PTPRD: variants seen among roughly 807,000 people sequenced by gnomAD.
The protein encoded by PTPRD is receptor-type tyrosine-protein phosphatase delta.
A neutral mutation model predicts 214.5 loss-of-function variants in PTPRD; 34 were observed. The observed-to-expected ratio is 0.16, with a 90% CI of 0.12 to 0.21. The LOEUF is 0.21. Among genes scored for constraint, PTPRD ranks in the 10% least tolerant of loss-of-function variants. The probability of loss-of-function intolerance (pLI) is 1.00; values close to 1 mark genes in which losing one functional copy is unlikely to be tolerated. For missense variants in PTPRD, 2,545 were observed against 2,398.7 expected (o/e 1.06, Z -1.27); for synonymous variants, 1,128 against 845.7 (o/e 1.33, Z -5.79).
intron 12 of PTPRD, among the ~76,000 whole-genome samples, chr9:8,678,924 A>G (rs576962216): frequency 7.2e-5 from 11 of 152,234 alleles, no homozygotes; most frequent in Non-Finnish European, 1.6e-4. Flanking sequence ...AAAGAATAAA[A>G]TGTTTCATGC....
intron 12 of PTPRD, among the ~76,000 whole-genome samples, chr9:8,710,266 A>C (rs1431297793): frequency 6.6e-6 from 1 of 152,210 alleles, no homozygotes; most frequent in East Asian, 1.9e-4. Context: ...CTCAGGGTCA[A>C]GTACATTCAG....
Position 8,733,906 on chromosome 9 carries a change from G to C in PTPRD, c.-63C>G, listed in dbSNP as rs2098688730. 1.3e-6 allele frequency: 2 copies of C among 1,493,742 alleles called. No homozygotes were observed. The highest frequency in any genetic ancestry group is 2.5e-5 in the East Asian group (1 of 40,588). The allele number at this position is 1,493,742 out of a possible 1,614,324, so 92.5% of individuals were successfully genotyped here. A position where few individuals can be genotyped will look rare whatever the true frequency, so the allele number is the denominator to read the frequency against. On this transcript the variant is annotated 5_prime_UTR_variant, in exon 12 of 46. Transcript: ENST00000381196. The stretch of plus-strand genomic sequence containing the variant: ...ATCACTGCCTCCGGAGCCGCAGCGA[G>C]TCTGTCCGATCTGAAATTTCAGCTG...
chr9:9,325,878 G>C (rs977398611), intron 9 of PTPRD, among the ~76,000 whole-genome samples: 1 of 152,090 alleles, frequency 6.6e-6, no homozygotes, highest in Non-Finnish European at 1.5e-5. Context: ...TCAATACTTA[G>C]TTTATTGAGA....
rs1554808489 is a variant in PTPRD, at chr9:8,370,235, C to CACACACAT, written c.4661+5700_4661+5701insATGTGTGT. Among the ~76,000 whole-genome samples, 7 of 57,654 alleles carry CACACACAT rather than the reference C, an allele frequency of 1.2e-4. No homozygotes were observed. In the East Asian group the frequency reaches 1.7e-3, roughly 14 times the overall value. The allele number at this position is 57,654 out of a possible 152,430, so 37.8% of individuals were successfully genotyped here. On this transcript the variant is annotated intron_variant, in intron 39 of 45. Transcript: ENST00000381196. ...ACACACACACACACACACACACACA[C>CACACACAT]ACATATATATATATGTGCTGTGAAG...
intron 3 of PTPRD, among the ~76,000 whole-genome samples, chr9:10,173,509 T>C (rs973270261): frequency 6.6e-6 from 1 of 152,146 alleles, no homozygotes; most frequent in Non-Finnish European, 1.5e-5. Context: ...AGAAGGATAA[T>C]GTCCCCAAAT....
intron 11 of PTPRD, among the ~76,000 whole-genome samples, chr9:8,755,706 G>C (rs961018849): frequency 2.0e-5 from 3 of 152,136 alleles, no homozygotes; most frequent in East Asian, 1.9e-4. Context: ...TTAATGCATA[G>C]TTTGTCTTAG....
chr9:9,093,549 C>G (rs900624139), intron 10 of PTPRD, among the ~76,000 whole-genome samples: 6 of 151,676 alleles, frequency 4.0e-5, no homozygotes, highest in African/African-American at 1.2e-4. Context: ...TCCCCAATAT[C>G]TGGAAATTAA....
intron 7 of PTPRD, among the ~76,000 whole-genome samples, chr9:9,710,595 A>G (rs1381018838): frequency 6.6e-6 from 1 of 151,072 alleles, no homozygotes; most frequent in East Asian, 2.1e-4. Context: ...ATTTAATATC[A>G]TCTATTCTGT....
At chr9:9,449,266 T>G (rs984472990) in intron 8 of PTPRD, among the ~76,000 whole-genome samples, 3 of 152,078 alleles carry the variant, frequency 2.0e-5, no homozygotes, top group Non-Finnish European at 4.4e-5. Context: ...TGTGCTGATG[T>G]GTACTACTTC....
At chr9:9,468,909 T>C (rs1302716507) in intron 8 of PTPRD, among the ~76,000 whole-genome samples, 1 of 152,146 alleles carries the variant, frequency 6.6e-6, no homozygotes, top group African/African-American at 2.4e-5. Flanking sequence ...CAAATTCTCA[T>C]GTGTATGTAG....
intron 11 of PTPRD, among the ~76,000 whole-genome samples, chr9:8,812,861 A>G (rs961902669): frequency 5.9e-5 from 9 of 152,028 alleles, no homozygotes; most frequent in Non-Finnish European, 1.0e-4. Flanking sequence ...GTCTTGAGTA[A>G]TATGTAACAT....
At chr9:8,499,502 T>A (rs1031194519) in intron 25 of PTPRD, 145 bp downstream of exon 25, 6 of 718,272 alleles carry the variant, frequency 8.4e-6, no homozygotes, top group South Asian at 2.1e-5. Context: ...ATTGAAAAGA[T>A]CAATATACAT....
intron 2 of PTPRD, among the ~76,000 whole-genome samples, chr9:10,357,245 G>A (rs1036482206): frequency 6.6e-5 from 10 of 152,028 alleles, no homozygotes; most frequent in Non-Finnish European, 1.3e-4. Context: ...ACTGCTTAAG[G>A]GTGTGTTTAT....
At chr9:9,164,430 C>G (rs78979747) in intron 10 of PTPRD, among the ~76,000 whole-genome samples, 5,156 of 152,218 alleles carry the variant, frequency 0.034, 305 homozygotes, top group African/African-American at 0.12. Flanking sequence ...ATCCAAGGTA[C>G]TCTTCTGATC....
At chr9:9,258,467 T>C (rs1353274733) in intron 9 of PTPRD, among the ~76,000 whole-genome samples, 1 of 151,846 alleles carries the variant, frequency 6.6e-6, no homozygotes, top group Non-Finnish European at 1.5e-5. Context: ...AGGATGCGAG[T>C]TTTTTGAAAA....
chr9:9,886,179 G>A (rs560238092), intron 5 of PTPRD, among the ~76,000 whole-genome samples: 8 of 152,138 alleles, frequency 5.3e-5, no homozygotes, highest in African/African-American at 1.4e-4. Context: ...ACTCCAGAGA[G>A]CAAGATTAGG....
intron 39 of PTPRD, among the ~76,000 whole-genome samples, chr9:8,350,897 G>C (rs1026054567): frequency 2.0e-5 from 3 of 152,202 alleles, no homozygotes; most frequent in African/African-American, 7.2e-5. Flanking sequence ...GCAGTTTTAA[G>C]GGGTAGTTTT....
At chr9:9,967,854 G>C (rs1566808460) in intron 4 of PTPRD, among the ~76,000 whole-genome samples, 1 of 152,044 alleles carries the variant, frequency 6.6e-6, no homozygotes, top group Admixed American at 6.6e-5. Flanking sequence ...CTGAGAAATA[G>C]CAAAAATTAA....
At chr9:8,725,411 A>G (rs1036407037) in intron 12 of PTPRD, among the ~76,000 whole-genome samples, 1 of 152,226 alleles carries the variant, frequency 6.6e-6, no homozygotes, top group Non-Finnish European at 1.5e-5. Flanking sequence ...AATGTGTCCA[A>G]TAAACATTTA....
Sources: allele counts gnomAD v4.1 joint callset (sites outside exome capture counted in the v4.1 genomes callset), GRCh38; gene constraint gnomAD v4.1.1; transcripts MANE v1.5; gene names NCBI Gene and HGNC (gene_info 2026-07-23, HGNC 2026-07-21).